The following TSNARE1 variants were observed in gnomAD, a reference collection of about 807,000 sequenced individuals.
The protein encoded by TSNARE1 is t-SNARE domain-containing protein 1.
TSNARE1 carries 49 observed loss-of-function variants against 62.0 expected under a neutral mutation model. The observed-to-expected ratio is 0.79, with a 90% CI of 0.63 to 1.00. The LOEUF (loss-of-function observed/expected upper bound fraction) is 1.00, where lower values mean the gene tolerates loss of function less well. Ranked by LOEUF, TSNARE1 falls within the 50% of genes least tolerant of loss-of-function variation. TSNARE1 has a pLI of 0.00. For missense variants in TSNARE1, 755 were observed against 700.1 expected (o/e 1.08, Z -0.88); for synonymous variants, 328 against 294.4 (o/e 1.11, Z -1.17).
chr8:142,223,421 TACTC>T (rs1163273900), intron 13 of TSNARE1, among the ~76,000 whole-genome samples: 2 of 142,704 alleles, frequency 1.4e-5, no homozygotes, highest in African/African-American at 5.3e-5. Context: ...CACTCACTCA[TACTC>T]ATTCACTCAC....
intron 4 of TSNARE1, among the ~76,000 whole-genome samples, chr8:142,335,069 T>C (rs1243037522): frequency 2.0e-5 from 3 of 152,232 alleles, no homozygotes; most frequent in Non-Finnish European, 4.4e-5. Flanking sequence ...GCAAAATCCG[T>C]AACTATGTGC....
chr8:142,252,632 C>T (rs1166501685), intron 12 of TSNARE1, among the ~76,000 whole-genome samples: 9 of 152,232 alleles, frequency 5.9e-5, no homozygotes, highest in Non-Finnish European at 1.3e-4. Flanking sequence ...AAGCAAGTAA[C>T]ACAGCCAGGA....
chr8:142,338,224 C>T (rs1260175080), intron 4 of TSNARE1, among the ~76,000 whole-genome samples: 1 of 152,352 alleles, frequency 6.6e-6, no homozygotes, highest in Middle Eastern at 3.4e-3. Flanking sequence ...AGTGCTGCGT[C>T]CCCCCACGTC....
chr8:142,286,192 T>C (rs1486143216), intron 10 of TSNARE1, among the ~76,000 whole-genome samples: 2 of 152,004 alleles, frequency 1.3e-5, no homozygotes, highest in South Asian at 2.1e-4. Flanking sequence ...CCTCCTCACA[T>C]AGCGCCTGGC....
chr8:142,287,829 A>G (rs1386561290), intron 10 of TSNARE1, among the ~76,000 whole-genome samples: 1 of 147,826 alleles, frequency 6.8e-6, no homozygotes, highest in Non-Finnish European at 1.5e-5. Flanking sequence ...GACCCCAGCC[A>G]GATCTCAGGG....
At chr8:142,223,947 G>C (rs56162433) in intron 13 of TSNARE1, among the ~76,000 whole-genome samples, 136,057 of 151,952 alleles carry the variant, frequency 0.9, 60,993 homozygotes, top group Non-Finnish European at 0.92. Flanking sequence ...CCACCCAGGG[G>C]AGGGCTTTCT....
At chr8:142,276,427 G>A (rs1260808737) in intron 11 of TSNARE1, 3 of 985,360 alleles carry the variant, frequency 3.0e-6, no homozygotes, top group African/African-American at 3.5e-5. Flanking sequence ...GCTAGCCTGG[G>A]CCCGGGCAAT....
At chr8:142,322,396 C>T (rs1400097471) in intron 6 of TSNARE1, among the ~76,000 whole-genome samples, 7 of 152,210 alleles carry the variant, frequency 4.6e-5, no homozygotes, top group Non-Finnish European at 1.0e-4. Flanking sequence ...ACTACTTTTA[C>T]TCTTCATACT....
At chr8:142,288,638 C>T (rs1012045713) in intron 10 of TSNARE1, among the ~76,000 whole-genome samples, 5 of 152,254 alleles carry the variant, frequency 3.3e-5, no homozygotes, top group Non-Finnish European at 2.9e-5. Context: ...ACGCCAACCT[C>T]ACCAGCAACA....
At chr8:142,252,506 G>C (rs561749619) in intron 12 of TSNARE1, among the ~76,000 whole-genome samples, 1 of 152,358 alleles carries the variant, frequency 6.6e-6, no homozygotes, top group South Asian at 2.1e-4. Context: ...AGCGGCAGCC[G>C]CCTGTGCCCA....
intron 13 of TSNARE1, among the ~76,000 whole-genome samples, chr8:142,214,658 C>T (rs960882536): frequency 2.0e-5 from 3 of 152,204 alleles, no homozygotes; most frequent in Non-Finnish European, 2.9e-5. Context: ...GCTTGTGTTC[C>T]TCCAAAACTC....
intron 11 of TSNARE1, chr8:142,278,198 A>G (rs1017810020): frequency 2.0e-6 from 2 of 985,252 alleles, no homozygotes; most frequent in Non-Finnish European, 2.4e-6. Flanking sequence ...CCCTTGTCCA[A>G]GCCCAGCCAC....
chr8:142,271,547 G>C, intron 12 of TSNARE1: 1 of 1,383,246 alleles, frequency 7.2e-7, no homozygotes, highest in South Asian at 1.7e-5. Context: ...TGGGGTGGAG[G>C]CTGGGGAAGC....
intron 13 of TSNARE1, among the ~76,000 whole-genome samples, chr8:142,228,826 A>G (rs1816955653): frequency 6.6e-6 from 1 of 152,150 alleles, no homozygotes; most frequent in Admixed American, 6.5e-5. Flanking sequence ...ATGGGTGGAT[A>G]GGTGATAGAT....
intron 12 of TSNARE1, chr8:142,273,044 G>A (rs1172145721): frequency 1.0e-6 from 1 of 985,296 alleles, no homozygotes; most frequent in African/African-American, 1.7e-5. Flanking sequence ...TCCTGGGCCT[G>A]AGCCTTGCCC....
chr8:142,231,053 A>C (rs1817092496), intron 12 of TSNARE1, among the ~76,000 whole-genome samples: 1 of 152,078 alleles, frequency 6.6e-6, no homozygotes, highest in Admixed American at 6.5e-5. Flanking sequence ...CCATCCATCC[A>C]AACATACACC....
At chr8:142,337,430 C>A (rs1057155518) in intron 4 of TSNARE1, among the ~76,000 whole-genome samples, 1 of 152,228 alleles carries the variant, frequency 6.6e-6, no homozygotes, top group African/African-American at 2.4e-5. Context: ...CTGGAGAACG[C>A]GAAAGCATCC....
At chr8:142,373,105 T>C (rs1455665715) in intron 1 of TSNARE1, among the ~76,000 whole-genome samples, 1 of 151,692 alleles carries the variant, frequency 6.6e-6, no homozygotes, top group Non-Finnish European at 1.5e-5. Flanking sequence ...GGACTGTGTC[T>C]GTGTCTCCCT....
intron 9 of TSNARE1, among the ~76,000 whole-genome samples, chr8:142,307,144 C>G (rs1826829948): frequency 6.6e-6 from 1 of 152,106 alleles, no homozygotes; most frequent in African/African-American, 2.4e-5. Context: ...ACAGTAGCCA[C>G]AGCTCACTCT....
Sources: allele counts gnomAD v4.1 joint callset (sites outside exome capture counted in the v4.1 genomes callset), GRCh38; gene constraint gnomAD v4.1.1; transcripts MANE v1.5; gene names NCBI Gene and HGNC (gene_info 2026-07-23, HGNC 2026-07-21).